Variants in AGMO observed in about 807,000 individuals in gnomAD.
AGMO encodes alkylglycerol monooxygenase.
A neutral mutation model predicts 60.2 loss-of-function variants in AGMO; 75 were observed. That is an observed-to-expected ratio of 1.25 (90% CI 1.03 to 1.51). The LOEUF (loss-of-function observed/expected upper bound fraction) is 1.51, where lower values mean the gene tolerates loss of function less well. Ranked by LOEUF, AGMO falls within the 40% of genes most tolerant of loss-of-function variation. The pLI is 0.00. For synonymous variants in AGMO, 261 were observed against 177.1 expected (o/e 1.47, Z -3.76); for missense variants, 763 against 525.5 (o/e 1.45, Z -4.42).
Position 15,396,900 on chromosome 7 carries a change from T to C in AGMO, c.610-2721A>G, listed in dbSNP as rs1784411959. Among the ~76,000 whole-genome samples, 3 of 152,302 alleles carry C rather than the reference T, an allele frequency of 2.0e-5. No homozygotes were observed. In the South Asian group the frequency reaches 6.2e-4, roughly 32 times the overall value. On this transcript the variant is annotated intron_variant, in intron 5 of 12. Transcript: ENST00000342526. ...GCTGATTAGTGCGTTTGCAATCCTT[T>C]AGCTAGACAGAAAAGTTCTCCAAGT...
At chr7:15,538,453 G>C (rs1181370414) in intron 3 of AGMO, among the ~76,000 whole-genome samples, 1 of 152,066 alleles carries the variant, frequency 6.6e-6, no homozygotes, top group Non-Finnish European at 1.5e-5. Flanking sequence ...GGTTGGTCTT[G>C]AAACTCCTAG....
intron 12 of AGMO, among the ~76,000 whole-genome samples, chr7:15,225,254 C>T (rs954295212): frequency 4.0e-5 from 6 of 151,804 alleles, no homozygotes; most frequent in African/African-American, 9.7e-5. Flanking sequence ...AACTTTTATC[C>T]GTTCCCCTGA....
intron 12 of AGMO, among the ~76,000 whole-genome samples, chr7:15,318,194 C>T (rs1397266912): frequency 1.3e-5 from 2 of 151,418 alleles, no homozygotes; most frequent in Admixed American, 6.6e-5. Flanking sequence ...TTAGTAGAGA[C>T]GGGTTTCACT....
intron 12 of AGMO, among the ~76,000 whole-genome samples, chr7:15,325,417 C>T (rs1168758736): frequency 6.6e-6 from 1 of 151,752 alleles, no homozygotes; most frequent in Non-Finnish European, 1.5e-5. Context: ...CGTTCAAGGG[C>T]ATGTCAGATT....
intron 12 of AGMO, among the ~76,000 whole-genome samples, chr7:15,273,810 T>C (rs1436687107): frequency 6.6e-6 from 1 of 152,206 alleles, no homozygotes; most frequent in East Asian, 1.9e-4. Context: ...AGCAGTGGTT[T>C]GTAGTTCTCT....
intron 3 of AGMO, among the ~76,000 whole-genome samples, chr7:15,489,501 T>G (rs563102564): frequency 6.6e-6 from 1 of 152,272 alleles, no homozygotes; most frequent in East Asian, 1.9e-4. Flanking sequence ...CCCTCCAACC[T>G]GCACGGCCAG....
chr7:15,417,031 A>C (rs184678692), intron 5 of AGMO, among the ~76,000 whole-genome samples: 1 of 152,322 alleles, frequency 6.6e-6, no homozygotes, highest in Admixed American at 6.5e-5. Flanking sequence ...GTGTATAATA[A>C]ACGAATGTAA....
chr7:15,429,640 G>A (rs1209499319), intron 4 of AGMO, among the ~76,000 whole-genome samples: 2 of 152,020 alleles, frequency 1.3e-5, no homozygotes, highest in Non-Finnish European at 2.9e-5. Context: ...CATCACAGGT[G>A]TATGGTGTGG....
At chr7:15,467,828 C>G (rs1016073841) in intron 3 of AGMO, among the ~76,000 whole-genome samples, 1 of 151,992 alleles carries the variant, frequency 6.6e-6, no homozygotes, top group Non-Finnish European at 1.5e-5. Context: ...GATATTTAAA[C>G]CCTTTAGAAG....
At chr7:15,543,200 C>T (rs1346878325) in intron 3 of AGMO, among the ~76,000 whole-genome samples, 2 of 152,134 alleles carry the variant, frequency 1.3e-5, no homozygotes, top group East Asian at 3.9e-4. Context: ...CTGAGTTGTG[C>T]TCTTCAGTAG....
chr7:15,154,312 A>T, the AGMO span, among the ~76,000 whole-genome samples: 60 of 152,294 alleles, frequency 3.9e-4, no homozygotes, highest in East Asian at 0.012. Context: ...AATACTTAGG[A>T]ATATACCTAA....
At chr7:15,329,669 C>A (rs1339494765) in intron 12 of AGMO, among the ~76,000 whole-genome samples, 3 of 152,120 alleles carry the variant, frequency 2.0e-5, no homozygotes, top group African/African-American at 2.4e-5. Context: ...CTTGATATAT[C>A]CTGTCCATTA....
chr7:15,395,285 C>T (rs865974120), intron 5 of AGMO, among the ~76,000 whole-genome samples: 65 of 152,010 alleles, frequency 4.3e-4, no homozygotes, highest in African/African-American at 1.5e-3. Context: ...ACAATTATGA[C>T]ATTGATATGA....
At chr7:15,531,059 T>A (rs867191726) in intron 3 of AGMO, among the ~76,000 whole-genome samples, 2 of 103,216 alleles carry the variant, frequency 1.9e-5, no homozygotes, top group African/African-American at 7.8e-5. Context: ...CTATATATAT[T>A]CTGTATATAT....
chr7:15,163,856 A>C, the AGMO span, among the ~76,000 whole-genome samples: 1 of 152,016 alleles, frequency 6.6e-6, no homozygotes, highest in African/African-American at 2.4e-5. Context: ...GTTAGGGAGA[A>C]ATCCCTCCTC....
chr7:15,304,604 C>T (rs1038200056), intron 12 of AGMO, among the ~76,000 whole-genome samples: 1 of 151,930 alleles, frequency 6.6e-6, no homozygotes, highest in Non-Finnish European at 1.5e-5. Flanking sequence ...TATTCAGTTT[C>T]GTTATGAGTC....
At chr7:15,191,967 TCTCTCTCACA>T in the AGMO span, among the ~76,000 whole-genome samples, 4 of 65,804 alleles carry the variant, frequency 6.1e-5, no homozygotes, top group Admixed American at 1.8e-4. Flanking sequence ...TCCCTCTGTC[TCTCTCTCACA>T]CACACACACA....
intron 2 of AGMO, among the ~76,000 whole-genome samples, chr7:15,550,282 C>G (rs1041431710): frequency 2.0e-4 from 30 of 151,726 alleles, no homozygotes; most frequent in Admixed American, 3.9e-4. Flanking sequence ...CAAACACATT[C>G]AAAAGCTAGC....
chr7:15,220,993 G>A (rs1781902350), intron 12 of AGMO, among the ~76,000 whole-genome samples: 1 of 152,074 alleles, frequency 6.6e-6, no homozygotes, highest in Admixed American at 6.6e-5. Flanking sequence ...CAAGAAAGTT[G>A]GAAGACTAGG....
Sources: gnomAD v4.1 joint callset for allele counts (sites outside exome capture counted in the v4.1 genomes callset) on GRCh38, gnomAD v4.1.1 for gene constraint, MANE v1.5 for transcripts, NCBI Gene and HGNC (gene_info 2026-07-23, HGNC 2026-07-21) for gene names.